WWOX: variants seen among roughly 807,000 people sequenced by gnomAD.
WWOX encodes the protein WW domain-containing oxidoreductase.
In WWOX, 69 loss-of-function variants were observed where a neutral mutation model predicts 46.2. The ratio of observed to expected loss-of-function variants is 1.49; its 90% CI spans 1.23 to 1.82. The LOEUF is 1.82. Ranked by LOEUF, WWOX falls within the 40% of genes most tolerant of loss-of-function variation. The pLI is 0.00. For missense variants in WWOX, 919 were observed against 542.6 expected (o/e 1.69, Z -6.89); for synonymous variants, 359 against 202.6 (o/e 1.77, Z -6.56).
Position 78,646,961 on chromosome 16 carries a change from C to T in WWOX, c.1056+214209C>T, listed in dbSNP as rs975298667. On this transcript the variant is annotated intron_variant, in intron 8 of 8. Coordinates refer to ENST00000566780, the MANE Select transcript of WWOX (RefSeq NM_016373.4). ...GGGGGATGCCTTGTGGAAGTGACAA[C>T]TCTAGGCACGTAACTGGCTCAGACT... Among the ~76,000 whole-genome samples the T allele has an allele frequency of 4.6e-5, 7 of 152,282 alleles. No homozygotes were observed. The South Asian group carries it at 1.5e-3, about 32-fold the overall frequency.
intron 6 of WWOX, among the ~76,000 whole-genome samples, chr16:78,398,715 G>A (rs926211376): frequency 6.6e-6 from 1 of 152,182 alleles, no homozygotes; most frequent in African/African-American, 2.4e-5. Context: ...TATTAAGATG[G>A]TGACGCTGGC....
intron 8 of WWOX, among the ~76,000 whole-genome samples, chr16:78,885,913 A>T (rs1167193069): frequency 6.8e-6 from 1 of 146,522 alleles, no homozygotes; most frequent in East Asian, 2.1e-4. Context: ...ACGTACAGGG[A>T]TGGGGATGGA....
intron 5 of WWOX, among the ~76,000 whole-genome samples, chr16:78,245,207 G>C (rs752634800): frequency 6.6e-6 from 1 of 152,100 alleles, no homozygotes; most frequent in Non-Finnish European, 1.5e-5. Flanking sequence ...TGTTCTAGAC[G>C]GTCCTGAACA....
At chr16:78,149,832 G>A (rs914181451) in intron 4 of WWOX, among the ~76,000 whole-genome samples, 15 of 152,162 alleles carry the variant, frequency 9.9e-5, no homozygotes, top group Admixed American at 2.0e-4. Context: ...CTGCCTCCAG[G>A]AGCTGCTTCT....
chr16:79,004,137 T>A (rs2047147318), intron 8 of WWOX: 1 of 152,250 alleles, frequency 6.6e-6, no homozygotes, highest in Admixed American at 6.5e-5. Context: ...ATCATCCGTC[T>A]ACCCACATCA....
intron 7 of WWOX, among the ~76,000 whole-genome samples, chr16:78,426,278 G>C (rs1327303118): frequency 6.6e-6 from 1 of 152,180 alleles, no homozygotes; most frequent in Non-Finnish European, 1.5e-5. Flanking sequence ...GCAGCAGAGA[G>C]AGCTCCAGAA....
intron 8 of WWOX, among the ~76,000 whole-genome samples, chr16:78,467,514 C>A (rs2084109390): frequency 6.6e-6 from 1 of 151,984 alleles, no homozygotes; most frequent in African/African-American, 2.4e-5. Context: ...TTATTGACTT[C>A]AAAAAAGACT....
chr16:78,950,787 A>G (rs2046044409), intron 8 of WWOX, among the ~76,000 whole-genome samples: 1 of 152,140 alleles, frequency 6.6e-6, no homozygotes, highest in Non-Finnish European at 1.5e-5. Context: ...CATGCCTAGG[A>G]CTTTGGAAAA....
At chr16:78,324,218 T>C (rs1479558073) in intron 5 of WWOX, among the ~76,000 whole-genome samples, 1 of 152,090 alleles carries the variant, frequency 6.6e-6, no homozygotes, top group Non-Finnish European at 1.5e-5. Flanking sequence ...AGTGAGGTGG[T>C]GGCTTCTTGT....
At chr16:79,104,785 A>C (rs1219579266) in intron 8 of WWOX, among the ~76,000 whole-genome samples, 2 of 152,168 alleles carry the variant, frequency 1.3e-5, no homozygotes, top group African/African-American at 4.8e-5. Context: ...CCAAGAATGC[A>C]CGCTGGGAAT....
Position 78,690,377 on chromosome 16 carries a change from C to T in WWOX, c.1056+257625C>T, listed in dbSNP as rs2047957746. ...ACTGCCCTGGGCAGCACAGTGAGAC[C>T]CCGTATCTACAAAAAATAAACAAAC... On this transcript the variant is annotated intron_variant, in intron 8 of 8. Coordinates refer to ENST00000566780, the MANE Select transcript of WWOX (RefSeq NM_016373.4). 2.0e-5 allele frequency among the ~76,000 whole-genome samples: 3 copies of T among 152,090 alleles called. No homozygotes were observed. The South Asian group carries it at 6.2e-4, about 32-fold the overall frequency.
At chr16:79,091,824 A>G (rs2048967654) in intron 8 of WWOX, among the ~76,000 whole-genome samples, 1 of 120,634 alleles carries the variant, frequency 8.3e-6, no homozygotes, top group Non-Finnish European at 1.6e-5. Context: ...CTCTGTCACC[A>G]GGCTGGAGAG....
rs1272230364 is a variant in WWOX at position 78,305,257 on chromosome 16, C to T, written c.517-81603C>T. Reference sequence around the variant, plus strand: ...GGGGGACTACGTTTTTCATGGAGACCGGGGCCCTCCAGCTGCTGTGATGAT... The same window carrying T: ...GGGGGACTACGTTTTTCATGGAGACTGGGGCCCTCCAGCTGCTGTGATGAT... On this transcript the variant is annotated intron_variant, in intron 5 of 8. Transcript: ENST00000566780. Among the ~76,000 whole-genome samples, 8 of 151,998 alleles carry T rather than the reference C, an allele frequency of 5.3e-5. No homozygotes were observed. In the South Asian group the frequency reaches 6.2e-4, roughly 12 times the overall value.
intron 8 of WWOX, among the ~76,000 whole-genome samples, chr16:78,804,956 C>A (rs8059278): frequency 6.6e-6 from 1 of 151,764 alleles, no homozygotes; most frequent in Non-Finnish European, 1.5e-5. Context: ...CTACCAATGT[C>A]TATGGATGGT....
intron 8 of WWOX, among the ~76,000 whole-genome samples, chr16:79,052,192 C>A (rs1241756862): frequency 6.6e-6 from 1 of 151,318 alleles, no homozygotes; most frequent in Non-Finnish European, 1.5e-5. Context: ...CTCCCCCTTC[C>A]CCCCACCCCA....
intron 5 of WWOX, among the ~76,000 whole-genome samples, chr16:78,326,079 C>T: frequency 6.6e-6 from 1 of 152,146 alleles, no homozygotes; most frequent in Non-Finnish European, 1.5e-5. Context: ...GAATCTCTGT[C>T]TGCCTCTAAA....
intron 5 of WWOX, among the ~76,000 whole-genome samples, chr16:78,197,473 C>G (rs1027519922): frequency 1.3e-5 from 2 of 152,086 alleles, no homozygotes; most frequent in African/African-American, 4.8e-5. Context: ...ATCAAAATGT[C>G]TTTGGGATTA....
intron 8 of WWOX, among the ~76,000 whole-genome samples, chr16:78,925,549 A>T (rs962784543): frequency 6.6e-6 from 1 of 152,168 alleles, no homozygotes; most frequent in Non-Finnish European, 1.5e-5. Flanking sequence ...TCTTTCCACT[A>T]GGGAGCTATT....
intron 8 of WWOX, among the ~76,000 whole-genome samples, chr16:78,581,581 G>GT (rs920308115): frequency 1.4e-4 from 21 of 151,902 alleles, no homozygotes; most frequent in Middle Eastern, 6.8e-3. Context: ...CTCTAGGAAT[G>GT]TTTTTTTTAA....
Sources: allele counts gnomAD v4.1 joint callset (sites outside exome capture counted in the v4.1 genomes callset), GRCh38; gene constraint gnomAD v4.1.1; transcripts MANE v1.5; gene names NCBI Gene and HGNC (gene_info 2026-07-23, HGNC 2026-07-21).